Variants in ATE1 observed in about 807,000 individuals in gnomAD.
The protein encoded by ATE1 is arginyltransferase 1.
In ATE1, 36 loss-of-function variants were observed where a neutral mutation model predicts 70.5. That is an observed-to-expected ratio of 0.51 (90% CI 0.39 to 0.67). The LOEUF (loss-of-function observed/expected upper bound fraction) is 0.67, where lower values mean the gene tolerates loss of function less well. Among genes scored for constraint, ATE1 ranks in the 30% least tolerant of loss-of-function variants. ATE1 has a pLI of 0.00. For synonymous variants in ATE1, 232 were observed against 219.3 expected (o/e 1.06, Z -0.51); for missense variants, 593 against 629.5 (o/e 0.94, Z 0.62).
intron 8 of ATE1, among the ~76,000 whole-genome samples, chr10:121,867,362 G>C (rs1009882923): frequency 2.6e-5 from 4 of 152,078 alleles, no homozygotes; most frequent in African/African-American, 7.2e-5. Flanking sequence ...TCCTTATTTG[G>C]TCCCTGTACA....
chr10:121,817,473 A>G lies in ATE1; in HGVS notation c.1257+19245T>C, dbSNP rs553600220. On this transcript the variant is annotated intron_variant, in intron 10 of 11. Coordinates refer to ENST00000224652, the MANE Select transcript of ATE1 (RefSeq NM_001001976.3). The stretch of plus-strand genomic sequence containing the variant: ...AGAACGGTGTGAACCCGGTAGGCGG[A>G]GCTTGCAGTGAGCCAAGATCACGCC... 2.6e-5 allele frequency among the ~76,000 whole-genome samples: 4 copies of G among 151,814 alleles called. No homozygotes were observed. In the East Asian group the frequency reaches 7.8e-4, roughly 29 times the overall value.
intron 7 of ATE1, among the ~76,000 whole-genome samples, chr10:121,896,571 G>T (rs1394273478): frequency 1.3e-5 from 2 of 151,850 alleles, no homozygotes; most frequent in East Asian, 3.9e-4. Context: ...CACTTTGGGA[G>T]GCCAAGGTGG....
intron 11 of ATE1, among the ~76,000 whole-genome samples, chr10:121,770,948 C>T (rs7077616): frequency 0.69 from 105,621 of 151,994 alleles, 37,020 homozygotes; most frequent in Non-Finnish European, 0.76. Flanking sequence ...TTCACATGAG[C>T]GAACGAAACC....
rs1946802384 is a variant in ATE1 at position 121,799,724 on chromosome 10, TG to T, written c.1258-9436del. Reference sequence around the variant, plus strand: ...CCAATTTCCATAAATTCAAATTTATTGCCAGTAAGTGTCTTGGTATTAGCTG... The same window carrying T: ...CCAATTTCCATAAATTCAAATTTATTCCAGTAAGTGTCTTGGTATTAGCTG... On this transcript the variant is annotated intron_variant, in intron 10 of 11. Coordinates refer to ENST00000224652, the MANE Select transcript of ATE1 (RefSeq NM_001001976.3). 3.9e-5 allele frequency among the ~76,000 whole-genome samples: 6 copies of T among 152,226 alleles called. No homozygotes were observed. In the South Asian group the frequency reaches 1.2e-3, roughly 32 times the overall value.
chr10:121,794,542 G>C (rs1452472732), intron 10 of ATE1, among the ~76,000 whole-genome samples: 1 of 146,736 alleles, frequency 6.8e-6, no homozygotes, highest in African/African-American at 2.5e-5. Context: ...GGAGGGTAGA[G>C]GGTAGAGGCA....
chr10:121,776,708 T>C (rs778683221), intron 11 of ATE1, among the ~76,000 whole-genome samples: 30 of 152,254 alleles, frequency 2.0e-4, no homozygotes, highest in Non-Finnish European at 3.8e-4. Flanking sequence ...ATTTAGCACA[T>C]TTTTGTTTCA....
intron 7 of ATE1, among the ~76,000 whole-genome samples, chr10:121,881,669 TAAAA>T (rs11309013): frequency 8.0e-6 from 1 of 125,596 alleles, no homozygotes; most frequent in Non-Finnish European, 1.6e-5. Flanking sequence ...TCCTGTCTCT[TAAAA>T]AAAAAAAAAA....
At chr10:121,792,100 T>C (rs536975206) in intron 10 of ATE1, among the ~76,000 whole-genome samples, 1 of 139,082 alleles carries the variant, frequency 7.2e-6, no homozygotes, top group African/African-American at 2.7e-5. Context: ...GGGAGAGGGT[T>C]CAAGGAGGAT....
intron 8 of ATE1, among the ~76,000 whole-genome samples, chr10:121,869,547 CTT>C (rs1949779344): frequency 6.6e-6 from 1 of 152,198 alleles, no homozygotes; most frequent in African/African-American, 2.4e-5. Context: ...ACCTCAATAA[CTT>C]TGCTCTTCTC....
At chr10:121,870,789 C>T (rs986453465) in intron 7 of ATE1, among the ~76,000 whole-genome samples, 3 of 152,044 alleles carry the variant, frequency 2.0e-5, no homozygotes, top group Non-Finnish European at 2.9e-5. Context: ...TGTAGTATAC[C>T]TCTGAAATGA....
At chr10:121,827,744 ATG>A (rs1435616302) in intron 10 of ATE1, among the ~76,000 whole-genome samples, 1 of 152,238 alleles carries the variant, frequency 6.6e-6, no homozygotes, top group Non-Finnish European at 1.5e-5. Context: ...TGTGCCTTAC[ATG>A]TAAGACTATG....
At chr10:121,904,679 C>T (rs1951121977) in intron 5 of ATE1, among the ~76,000 whole-genome samples, 1 of 137,956 alleles carries the variant, frequency 7.2e-6, no homozygotes, top group Admixed American at 7.2e-5. Flanking sequence ...AAACAGGGTA[C>T]TCACAAACCA....
intron 11 of ATE1, among the ~76,000 whole-genome samples, chr10:121,758,749 T>G (rs1465797484): frequency 6.6e-6 from 1 of 152,210 alleles, no homozygotes; most frequent in Non-Finnish European, 1.5e-5. Context: ...CATGTCACAT[T>G]TTGGCAATTT....
chr10:121,916,001 C>T (rs1454376147), intron 3 of ATE1, among the ~76,000 whole-genome samples: 1 of 151,748 alleles, frequency 6.6e-6, no homozygotes, highest in African/African-American at 2.4e-5. Context: ...CTTTGGGAGG[C>T]CGAGGCGGGC....
At chr10:121,907,635 G>A (rs56764691) in intron 5 of ATE1, among the ~76,000 whole-genome samples, 9,981 of 151,902 alleles carry the variant, frequency 0.066, 1,009 homozygotes, top group African/African-American at 0.22. Flanking sequence ...TTAGCATGGT[G>A]GTGGGCGCCT....
chr10:121,774,138 C>T (rs1007466910), intron 11 of ATE1, among the ~76,000 whole-genome samples: 3 of 151,962 alleles, frequency 2.0e-5, no homozygotes, highest in South Asian at 2.1e-4. Flanking sequence ...TGCAAGAGAG[C>T]CTTTGGTTTA....
chr10:121,902,446 G>A lies in ATE1; in HGVS notation c.758C>T (p.Ser253Leu). The change falls in exon 6 of 12, where the codon TCA (serine) becomes TTA (leucine). Residue 253 changes from serine (S) to leucine (L), a missense_variant. Transcript: ENST00000224652. ...AGACTCAAAAATTAAATCTTCGAGT[G>A]ATTTTGGCTGGTTGGATTTAGCCTT... is the stretch of plus-strand genomic sequence containing the variant. Reference protein sequence around the residue: ...PPKAKSNQPKSLEDLIFESLP... With the variant: ...PPKAKSNQPKLLEDLIFESLP... 1 of 1,614,214 alleles carries A rather than the reference G, an allele frequency of 6.2e-7. No homozygotes were observed. Among genetic ancestry groups the A allele is most frequent in the Non-Finnish European group, 8.5e-7 (1 of 1,180,052 alleles).
At chr10:121,924,216 T>G (rs1373837386) in intron 2 of ATE1, 50 bp downstream of exon 2, 1 of 1,565,178 alleles carries the variant, frequency 6.4e-7, no homozygotes, top group East Asian at 2.2e-5. Context: ...GCTGTATTTT[T>G]CAAGAACCTG....
At chr10:121,759,293 T>C (rs1252844810) in intron 11 of ATE1, among the ~76,000 whole-genome samples, 3 of 152,190 alleles carry the variant, frequency 2.0e-5, no homozygotes, top group African/African-American at 7.2e-5. Flanking sequence ...CTTAACTCAA[T>C]GCCTAATTCA....
Sources: gnomAD v4.1 joint callset for allele counts (sites outside exome capture counted in the v4.1 genomes callset) on GRCh38, gnomAD v4.1.1 for gene constraint, MANE v1.5 for transcripts, NCBI Gene and HGNC (gene_info 2026-07-23, HGNC 2026-07-21) for gene names.